ITGBL1: variants seen among roughly 807,000 people sequenced by gnomAD.
The protein encoded by ITGBL1 is integrin beta-like protein 1.
A neutral mutation model predicts 68.5 loss-of-function variants in ITGBL1; 51 were observed. That is an observed-to-expected ratio of 0.74 (90% confidence interval 0.59 to 0.94). ITGBL1 has a LOEUF of 0.94. ITGBL1 is among the 40% of genes least tolerant of loss of function. The probability of loss-of-function intolerance (pLI) is 0.00; values close to 1 mark genes in which losing one functional copy is unlikely to be tolerated. For missense variants in ITGBL1, 649 were observed against 647.4 expected (o/e 1.00, Z -0.03); for synonymous variants, 209 against 227.3 (o/e 0.92, Z 0.72).
At position 101,454,110 on chromosome 13, in the gene ITGBL1, C is replaced by A. The variant is rs749882159; in HGVS notation, c.316+10C>A. On this transcript the variant is annotated intron_variant, in intron 2 of 10. Coordinates refer to ENST00000376180, the MANE Select transcript of ITGBL1 (RefSeq NM_004791.3). ...GGGAGCACCTGTGCAGGTAAGAGGG[C>A]GGCGCTGTCTCCTCCCTCGGGAGGT... 2.9e-5 allele frequency: 45 copies of A among 1,531,934 alleles called. No individual in the cohort carries two copies. The highest frequency in any genetic ancestry group is 3.7e-5 in the Non-Finnish European group (42 of 1,135,036). The allele number at this position is 1,531,934 out of a possible 1,614,324, so 94.9% of individuals were successfully genotyped here. A position where few individuals can be genotyped will look rare whatever the true frequency, so the allele number is the denominator to read the frequency against.
intron 6 of ITGBL1, among the ~76,000 whole-genome samples, chr13:101,595,316 G>A (rs1032185366): frequency 3.3e-5 from 5 of 152,056 alleles, no homozygotes; most frequent in African/African-American, 7.2e-5. Flanking sequence ...CAGATCTTAC[G>A]TGAACTACCA....
intron 4 of ITGBL1, among the ~76,000 whole-genome samples, chr13:101,578,104 G>A (rs933018489): frequency 3.4e-4 from 52 of 152,190 alleles, no homozygotes; most frequent in African/African-American, 1.1e-3. Context: ...CTTCTTGATG[G>A]AAGTCTCATC....
At chr13:101,552,306 A>T (rs1594885763) in intron 2 of ITGBL1, among the ~76,000 whole-genome samples, 1 of 152,044 alleles carries the variant, frequency 6.6e-6, no homozygotes, top group Non-Finnish European at 1.5e-5. Flanking sequence ...TCTCAATTTA[A>T]TTTTTCTGTC....
At chr13:101,689,212 A>AAAAAAAAAAAAAAAAAAG (rs2033827633) in intron 7 of ITGBL1, among the ~76,000 whole-genome samples, 2 of 25,312 alleles carry the variant, frequency 7.9e-5, no homozygotes, top group Non-Finnish European at 1.8e-4. Context: ...GACTCTGCCT[A>AAAAAAAAAAAAAAAAAAG]AAAAAAAAAA....
chr13:101,464,629 G>T (rs1328212139), intron 2 of ITGBL1, among the ~76,000 whole-genome samples: 1 of 150,926 alleles, frequency 6.6e-6, no homozygotes, highest in African/African-American at 2.4e-5. Context: ...TTTATATTTG[G>T]TATATGTATA....
In ITGBL1 at chr13:101,663,366, C is replaced by T. The variant is rs994069313; in HGVS notation, c.1016-29219C>T. 3.3e-5 allele frequency among the ~76,000 whole-genome samples: 5 copies of T among 152,064 alleles called. No individual in the cohort carries two copies. The East Asian group carries it at 5.8e-4, about 18-fold the overall frequency. The stretch of plus-strand genomic sequence containing the variant: ...ATTACATCTGAGACACTTTAGAGAT[C>T]GCTTGATCTAGTCTCTTTGTGCAGA... On this transcript the variant is annotated intron_variant, in intron 7 of 10. Transcript: ENST00000376180.
At chr13:101,472,830 A>C (rs1267469125) in intron 2 of ITGBL1, among the ~76,000 whole-genome samples, 7 of 152,128 alleles carry the variant, frequency 4.6e-5, no homozygotes, top group Admixed American at 4.6e-4. Context: ...ATTTGTATAA[A>C]TATATTTGAC....
intron 7 of ITGBL1, among the ~76,000 whole-genome samples, chr13:101,625,802 C>T (rs1006282865): frequency 6.6e-6 from 1 of 152,148 alleles, no homozygotes; most frequent in Non-Finnish European, 1.5e-5. Context: ...GATCCACCCA[C>T]CTCGGCCTCC....
At chr13:101,563,336 T>C (rs2050130910) in intron 2 of ITGBL1, among the ~76,000 whole-genome samples, 1 of 150,932 alleles carries the variant, frequency 6.6e-6, no homozygotes, top group African/African-American at 2.4e-5. Flanking sequence ...AGAAAAACAA[T>C]AAAGAAAATC....
chr13:101,553,402 A>G (rs1284236492), intron 2 of ITGBL1, among the ~76,000 whole-genome samples: 1 of 152,182 alleles, frequency 6.6e-6, no homozygotes, highest in East Asian at 1.9e-4. Context: ...AAATGCATTA[A>G]TATGTCAATG....
At chr13:101,654,292 G>A (rs1594957276) in intron 7 of ITGBL1, among the ~76,000 whole-genome samples, 2 of 152,238 alleles carry the variant, frequency 1.3e-5, no homozygotes, top group Middle Eastern at 3.4e-3. Context: ...AAGATTTTTA[G>A]AAGGGGAAGG....
chr13:101,701,431 G>T (rs1213374333), intron 8 of ITGBL1, among the ~76,000 whole-genome samples: 1 of 152,108 alleles, frequency 6.6e-6, no homozygotes, highest in Non-Finnish European at 1.5e-5. Context: ...TATTCGGGAG[G>T]CTGAGGCAGG....
At chr13:101,601,354 C>G (rs2030367977) in intron 7 of ITGBL1, among the ~76,000 whole-genome samples, 1 of 152,038 alleles carries the variant, frequency 6.6e-6, no homozygotes, top group Non-Finnish European at 1.5e-5. Flanking sequence ...TGCTACCGGT[C>G]TATCAATTTT....
At chr13:101,647,329 G>T (rs1384537739) in intron 7 of ITGBL1, among the ~76,000 whole-genome samples, 2 of 152,070 alleles carry the variant, frequency 1.3e-5, no homozygotes, top group African/African-American at 4.8e-5. Flanking sequence ...GAAAATATTT[G>T]TCTATAATTC....
intron 7 of ITGBL1, among the ~76,000 whole-genome samples, chr13:101,659,450 C>T (rs1011719947): frequency 6.6e-6 from 1 of 152,120 alleles, no homozygotes; most frequent in Non-Finnish European, 1.5e-5. Flanking sequence ...TGAACTTCAT[C>T]CCAAAATATA....
intron 7 of ITGBL1, among the ~76,000 whole-genome samples, chr13:101,690,164 T>G (rs1329356171): frequency 1.3e-5 from 2 of 152,204 alleles, no homozygotes; most frequent in African/African-American, 4.8e-5. Context: ...GATATGTGAA[T>G]TGTTATTTAT....
At chr13:101,561,728 A>G (rs1050718352) in intron 2 of ITGBL1, among the ~76,000 whole-genome samples, 3 of 152,174 alleles carry the variant, frequency 2.0e-5, no homozygotes, top group South Asian at 4.1e-4. Context: ...GTTAGCATTG[A>G]ATTCTATATC....
chr13:101,698,031 T>C (rs1594989291), intron 8 of ITGBL1, among the ~76,000 whole-genome samples: 1 of 152,160 alleles, frequency 6.6e-6, no homozygotes, highest in Admixed American at 6.5e-5. Context: ...ATCTTACTAA[T>C]ATGAGAATGT....
rs117848309 is a variant in ITGBL1 at position 101,597,742 on chromosome 13, C to T, written c.869-411C>T. On this transcript the variant is annotated intron_variant, in intron 6 of 10. Transcript: ENST00000376180. ...TAATTTTCATATTTTTAGTAGAGACCGGGGTTTCACCATGTTCGTCAGGCT... is the reference window on the plus strand; with the variant it reads ...TAATTTTCATATTTTTAGTAGAGACTGGGGTTTCACCATGTTCGTCAGGCT... Among the ~76,000 whole-genome samples, 129 of 151,742 alleles carry T rather than the reference C, an allele frequency of 8.5e-4. 1 individual carries two copies. The East Asian group carries it at 0.022, about 26-fold the overall frequency.
Sources: allele counts gnomAD v4.1 joint callset (sites outside exome capture counted in the v4.1 genomes callset), GRCh38; gene constraint gnomAD v4.1.1; transcripts MANE v1.5; gene names NCBI Gene and HGNC (gene_info 2026-07-23, HGNC 2026-07-21).